The following DNAH14 variants were observed in gnomAD, a reference collection of about 807,000 sequenced individuals.
DNAH14 encodes dynein axonemal heavy chain 14.
DNAH14 carries 478 observed loss-of-function variants against 520.9 expected under a neutral mutation model. The observed-to-expected ratio is 0.92, with a 90% confidence interval of 0.85 to 0.99. DNAH14 has a LOEUF of 0.99. Among genes scored for constraint, DNAH14 ranks in the 50% least tolerant of loss-of-function variants. The pLI, the probability that DNAH14 is intolerant of heterozygous loss-of-function variation, is 0.00. For synonymous variants in DNAH14, 1,581 were observed against 1,757.2 expected, an observed-to-expected ratio of 0.90 and a Z score of 2.51; for missense variants, 4,831 against 5,234.5, an observed-to-expected ratio of 0.92 and a Z score of 2.38.
chr1:225,188,499 GA>G (rs2085017412), intron 37 of DNAH14, among the ~76,000 whole-genome samples: 1 of 151,874 alleles, frequency 6.6e-6, no homozygotes, highest in South Asian at 2.1e-4. Flanking sequence ...TATCTATAGG[GA>G]AAAATATAAT....
intron 6 of DNAH14, chr1:224,967,918 A>T: frequency 8.3e-7 from 1 of 1,209,990 alleles, no homozygotes; most frequent in Non-Finnish European, 1.0e-6. Context: ...AATATTCTTT[A>T]TTGGCACATT....
intron 73 of DNAH14, 89 bp from the exon 74 acceptor site, chr1:225,358,407 T>C: frequency 8.6e-7 from 1 of 1,161,580 alleles, no homozygotes; most frequent in Non-Finnish European, 1.2e-6. Flanking sequence ...AAAAAATGAA[T>C]ACTTCTTATT....
intron 27 of DNAH14, among the ~76,000 whole-genome samples, chr1:225,127,185 T>C (rs2077816696): frequency 1.3e-5 from 2 of 152,208 alleles, no homozygotes; most frequent in Non-Finnish European, 2.9e-5. Flanking sequence ...GTATATTCTG[T>C]TGATTTGGGG....
intron 21 of DNAH14, among the ~76,000 whole-genome samples, chr1:225,086,201 C>T (rs553674044): frequency 1.6e-4 from 24 of 151,866 alleles, no homozygotes; most frequent in Admixed American, 3.9e-4. Flanking sequence ...GGTGCTGTCT[C>T]GGCTCACTGC....
At chr1:225,202,327 C>T (rs1250715924) in intron 38 of DNAH14, among the ~76,000 whole-genome samples, 10 of 152,236 alleles carry the variant, frequency 6.6e-5, no homozygotes, top group Non-Finnish European at 1.3e-4. Flanking sequence ...TGAGGCTAGG[C>T]GTGTCTGAGC....
At chr1:224,987,848 G>A (rs556928477) in intron 8 of DNAH14, among the ~76,000 whole-genome samples, 9 of 152,086 alleles carry the variant, frequency 5.9e-5, no homozygotes, top group South Asian at 2.1e-4. Flanking sequence ...GGCTGGTCTC[G>A]AACTCCTGAC....
intron 31 of DNAH14, among the ~76,000 whole-genome samples, chr1:225,149,885 C>A (rs2219878): frequency 0.022 from 3,334 of 152,206 alleles, 100 homozygotes; most frequent in African/African-American, 0.07. Context: ...ATTTGGATGC[C>A]CTTAATTTCT....
chr1:225,357,752 C>G, intron 73 of DNAH14: 1 of 700,860 alleles, frequency 1.4e-6, no homozygotes, highest in Non-Finnish European at 2.6e-6. Flanking sequence ...ATGGTCCAAC[C>G]TGGTACATCA....
chr1:225,339,967 T>C (rs2095144584), intron 68 of DNAH14, among the ~76,000 whole-genome samples: 1 of 152,194 alleles, frequency 6.6e-6, no homozygotes, highest in Non-Finnish European at 1.5e-5. Flanking sequence ...TTGGGTACAA[T>C]GTACACTGCT....
At chr1:225,169,495 G>A (rs115711967) in intron 36 of DNAH14, among the ~76,000 whole-genome samples, 1 of 152,170 alleles carries the variant, frequency 6.6e-6, no homozygotes, top group African/African-American at 2.4e-5. Flanking sequence ...ACGATGTGAC[G>A]CATGCACAAG....
intron 42 of DNAH14, among the ~76,000 whole-genome samples, chr1:225,237,608 C>T (rs12065548): frequency 0.013 from 2,004 of 152,168 alleles, 35 homozygotes; most frequent in East Asian, 0.05. Flanking sequence ...TTTCGTGGAG[C>T]ATCTTACTGG....
intron 54 of DNAH14, among the ~76,000 whole-genome samples, chr1:225,288,778 C>A (rs1200099300): frequency 1.3e-5 from 2 of 152,120 alleles, no homozygotes; most frequent in Non-Finnish European, 2.9e-5. Context: ...TAAACACCCA[C>A]TTGAATGGCT....
At chr1:225,141,120 T>C (rs1229577060) in intron 28 of DNAH14, 99 bp downstream of exon 28, 1 of 1,241,766 alleles carries the variant, frequency 8.1e-7, no homozygotes, top group African/African-American at 1.5e-5. Context: ...ACTTGAGTTT[T>C]AATTTTGGGG....
intron 54 of DNAH14, among the ~76,000 whole-genome samples, chr1:225,286,101 T>C (rs1156467795): frequency 2.0e-5 from 3 of 151,930 alleles, no homozygotes; most frequent in Non-Finnish European, 2.9e-5. Flanking sequence ...AGAAACAAAA[T>C]TCGAACTCAC....
intron 1 of DNAH14, among the ~76,000 whole-genome samples, chr1:224,941,989 G>A (rs1364850011): frequency 1.3e-5 from 2 of 152,098 alleles, no homozygotes; most frequent in Non-Finnish European, 2.9e-5. Context: ...TTAACAATGC[G>A]GGCTCTTTTT....
chr1:225,380,634 G>A (rs557896162), intron 80 of DNAH14, among the ~76,000 whole-genome samples: 1 of 152,268 alleles, frequency 6.6e-6, no homozygotes, highest in African/African-American at 2.4e-5. Context: ...TGTTCTCTCT[G>A]CCTCTCTGCC....
chr1:225,141,938 G>A (rs2149030896), intron 28 of DNAH14, among the ~76,000 whole-genome samples: 1 of 152,218 alleles, frequency 6.6e-6, no homozygotes, highest in South Asian at 2.1e-4. Flanking sequence ...TAGCATAAAA[G>A]TCCTTATTTT....
chr1:225,344,824 C>T (rs1371859109), intron 69 of DNAH14, among the ~76,000 whole-genome samples: 1 of 152,082 alleles, frequency 6.6e-6, no homozygotes, highest in Admixed American at 6.5e-5. Flanking sequence ...AAGTGATTCT[C>T]CTGCCTCAGC....
At chr1:225,045,365 G>C (rs2067862540) in intron 15 of DNAH14, among the ~76,000 whole-genome samples, 1 of 151,656 alleles carries the variant, frequency 6.6e-6, no homozygotes, top group Non-Finnish European at 1.5e-5. Context: ...CTTTAATCTA[G>C]TTATGAAAAT....
Sources: gnomAD v4.1 joint callset for allele counts (sites outside exome capture counted in the v4.1 genomes callset) on GRCh38, gnomAD v4.1.1 for gene constraint, MANE v1.5 for transcripts, NCBI Gene and HGNC (gene_info 2026-07-23, HGNC 2026-07-21) for gene names.